Variants in SSBP2 observed in about 807,000 individuals in gnomAD.
SSBP2 encodes single-stranded DNA-binding protein 2.
SSBP2 carries 17 observed loss-of-function variants against 61.8 expected under a neutral mutation model. That is an observed-to-expected ratio of 0.28 (90% CI 0.19 to 0.41). The LOEUF is 0.41. Ranked by LOEUF, SSBP2 falls within the 10% of genes least tolerant of loss-of-function variation. The probability of loss-of-function intolerance (pLI) is 1.00; values close to 1 mark genes in which losing one functional copy is unlikely to be tolerated. For synonymous variants in SSBP2, 139 were observed against 141.3 expected, an observed-to-expected ratio of 0.98 and a Z score of 0.12; for missense variants, 310 against 458.7, an observed-to-expected ratio of 0.68 and a Z score of 2.96.
intron 14 of SSBP2, 170 bp downstream of exon 14, chr5:81,440,388 T>C (rs1183954825): frequency 1.8e-5 from 10 of 544,518 alleles, no homozygotes; most frequent in Non-Finnish European, 3.3e-5. Flanking sequence ...TCAAGTGATC[T>C]ACAGTTATAA....
chr5:81,577,593 T>A (rs1328294180), intron 4 of SSBP2, among the ~76,000 whole-genome samples: 1 of 151,984 alleles, frequency 6.6e-6, no homozygotes, highest in Admixed American at 6.6e-5. Flanking sequence ...GGATATATAG[T>A]AAACTGCAAA....
chr5:81,704,408 T>C (rs1754212578), intron 1 of SSBP2, among the ~76,000 whole-genome samples: 1 of 152,212 alleles, frequency 6.6e-6, no homozygotes, highest in South Asian at 2.1e-4. Flanking sequence ...TCCCAAGTTT[T>C]GAATGTACAT....
intron 1 of SSBP2, 111 bp downstream of exon 1, chr5:81,750,870 C>A: frequency 1.6e-6 from 2 of 1,248,076 alleles, no homozygotes; most frequent in East Asian, 2.6e-5. Flanking sequence ...TGCCAGCCCA[C>A]CCCCGGCGCT....
At chr5:81,682,509 AAT>A (rs1752472197) in intron 1 of SSBP2, among the ~76,000 whole-genome samples, 1 of 152,196 alleles carries the variant, frequency 6.6e-6, no homozygotes, top group Non-Finnish European at 1.5e-5. Context: ...GTAACCTAGA[AAT>A]AGAGGGGAAC....
chr5:81,441,334 G>A (rs1387440818), intron 13 of SSBP2, among the ~76,000 whole-genome samples: 1 of 152,158 alleles, frequency 6.6e-6, no homozygotes, highest in Non-Finnish European at 1.5e-5. Context: ...TGGGGTTGGT[G>A]ATAGAGAACC....
chr5:81,516,212 T>C (rs1296997552), intron 4 of SSBP2, among the ~76,000 whole-genome samples: 2 of 152,096 alleles, frequency 1.3e-5, no homozygotes, highest in African/African-American at 4.8e-5. Context: ...TACTAACTGA[T>C]TTCCCTTCCT....
At chr5:81,445,175 T>TATATATAC (rs1218318116) in intron 12 of SSBP2, among the ~76,000 whole-genome samples, 1 of 80,840 alleles carries the variant, frequency 1.2e-5, no homozygotes, top group Non-Finnish European at 2.4e-5. Context: ...TATATATATA[T>TATATATAC]ATGTATGTAT....
intron 1 of SSBP2, among the ~76,000 whole-genome samples, chr5:81,657,104 G>A (rs419017): frequency 0.35 from 52,762 of 151,870 alleles, 9,516 homozygotes; most frequent in Middle Eastern, 0.57. Context: ...ATTTTTTACC[G>A]CATAACTTTT....
At chr5:81,669,456 G>GT (rs1329966135) in intron 1 of SSBP2, among the ~76,000 whole-genome samples, 5 of 152,202 alleles carry the variant, frequency 3.3e-5, no homozygotes, top group African/African-American at 1.2e-4. Flanking sequence ...GAAATAAAGT[G>GT]TAGTACATCC....
intron 5 of SSBP2, among the ~76,000 whole-genome samples, chr5:81,493,568 A>G (rs1224925444): frequency 6.6e-6 from 1 of 152,210 alleles, no homozygotes; most frequent in East Asian, 1.9e-4. Flanking sequence ...ATCCTGGCCA[A>G]CATAGTGAAA....
intron 1 of SSBP2, among the ~76,000 whole-genome samples, chr5:81,699,713 AT>A (rs1220857352): frequency 1.3e-5 from 2 of 152,098 alleles, no homozygotes; most frequent in Admixed American, 1.3e-4. Context: ...TCATGTTCAT[AT>A]TTTTACTTCC....
chr5:81,467,005 A>G lies in SSBP2; in HGVS notation c.607T>C (p.Leu203=), dbSNP rs772011587. 2 of 1,610,004 alleles carry G rather than the reference A, an allele frequency of 1.2e-6. No homozygotes were observed. The highest frequency in any genetic ancestry group is 1.7e-6 in the Non-Finnish European group (2 of 1,177,178). ...ATTCCAGGCATTCCAGGGCCACCTAAAGCATTCAGTGGGGGTCTCATTGCA... is the reference window on the plus strand; with the variant it reads ...ATTCCAGGCATTCCAGGGCCACCTAGAGCATTCAGTGGGGGTCTCATTGCA... The change falls in exon 9 of 17, where the codon TTA becomes CTA. Residue 203 remains leucine, a synonymous_variant. Coordinates refer to ENST00000320672, the MANE Select transcript of SSBP2 (RefSeq NM_012446.5).
At chr5:81,751,454 C>G (rs375270180), upstream of SSBP2, among the ~76,000 whole-genome samples, 1 of 152,130 alleles carries the variant, frequency 6.6e-6, no homozygotes, top group African/African-American at 2.4e-5. Flanking sequence ...CCGCGCCGCC[C>G]GCGCTCAGCT....
At chr5:81,692,177 C>T (rs1753258162) in intron 1 of SSBP2, among the ~76,000 whole-genome samples, 1 of 152,076 alleles carries the variant, frequency 6.6e-6, no homozygotes, top group Non-Finnish European at 1.5e-5. Context: ...GAAGCAAAAC[C>T]AACATACAAA....
intron 1 of SSBP2, among the ~76,000 whole-genome samples, chr5:81,713,470 A>G (rs912943725): frequency 6.6e-6 from 1 of 152,184 alleles, no homozygotes; most frequent in African/African-American, 2.4e-5. Flanking sequence ...ATAAAGAAAA[A>G]GTTTATGTGT....
At position 81,420,256 on chromosome 5, in the gene SSBP2, A is replaced by G; in HGVS notation, c.*248T>C. ...AGTACATTCTCTTTCCCACACATAT[A>G]CATACACACATAATTATTTGCAGTT... On this transcript the variant is annotated 3_prime_UTR_variant, in exon 17 of 17. Transcript: ENST00000320672. 1.8e-6 allele frequency: 1 copy of G among 550,930 alleles called. No individual in the cohort carries two copies. The highest frequency in any genetic ancestry group is 2.4e-5 in the South Asian group (1 of 42,548). The allele number at this position is 550,930 out of a possible 1,614,324, so 34.1% of individuals were successfully genotyped here.
At chr5:81,713,470 A>T (rs912943725) in intron 1 of SSBP2, among the ~76,000 whole-genome samples, 1 of 152,184 alleles carries the variant, frequency 6.6e-6, no homozygotes, top group African/African-American at 2.4e-5. Context: ...ATAAAGAAAA[A>T]GTTTATGTGT....
At chr5:81,484,188 T>C (rs1308888533) in intron 6 of SSBP2, among the ~76,000 whole-genome samples, 2 of 152,300 alleles carry the variant, frequency 1.3e-5, no homozygotes, top group East Asian at 3.9e-4. Context: ...TCCAAATATA[T>C]GGCAACGTAT....
chr5:81,486,951 G>A (rs1311413559), intron 6 of SSBP2, among the ~76,000 whole-genome samples: 1 of 152,216 alleles, frequency 6.6e-6, no homozygotes, highest in Non-Finnish European at 1.5e-5. Flanking sequence ...GAAGCAGAGA[G>A]CACCAGCAGA....
Sources: allele counts gnomAD v4.1 joint callset (sites outside exome capture counted in the v4.1 genomes callset), GRCh38; gene constraint gnomAD v4.1.1; transcripts MANE v1.5; gene names NCBI Gene and HGNC (gene_info 2026-07-23, HGNC 2026-07-21).